THOC7: variants seen among roughly 807,000 people sequenced by gnomAD.
THOC7 encodes the protein NIF3L1-binding protein 1.
THOC7 carries 22 observed loss-of-function variants against 33.1 expected under a neutral mutation model. That is an observed-to-expected ratio of 0.66 (90% CI 0.47 to 0.95). THOC7 has a LOEUF of 0.95. THOC7 is among the 40% of genes least tolerant of loss of function. The pLI, the probability that THOC7 is intolerant of heterozygous loss-of-function variation, is 0.00. For missense variants in THOC7, 184 were observed against 245.3 expected (o/e 0.75, Z 1.67); for synonymous variants, 77 against 76.8 (o/e 1.00, Z -0.01).
intron 5 of THOC7, among the ~76,000 whole-genome samples, chr3:63,835,892 G>A (rs970947615): frequency 6.6e-6 from 1 of 151,646 alleles, no homozygotes; most frequent in African/African-American, 2.4e-5. Flanking sequence ...TTTGAAAGGG[G>A]GTTCTAACTT....
rs1028641495 is a variant in THOC7, at chr3:63,835,410, G to A, written c.411-20C>T. On this transcript the variant is annotated intron_variant, in intron 5 of 7. Coordinates refer to ENST00000295899, the MANE Select transcript of THOC7 (RefSeq NM_025075.4). ...AGTTCCCTGGAAATAATAAAACAGT[G>A]TTACATTTTGCTGAATGGGGGAGAA... The A allele has an allele frequency of 9.3e-6, 15 of 1,610,756 alleles. No homozygotes were observed. Among genetic ancestry groups the A allele is most frequent in the Admixed American group, 1.7e-5 (1 of 59,874 alleles).
At position 63,836,895 on chromosome 3, in the gene THOC7, T is replaced by A. The variant is rs1482091117; in HGVS notation, c.353-537A>T. On this transcript the variant is annotated intron_variant, in intron 4 of 7. Coordinates refer to ENST00000295899, the MANE Select transcript of THOC7 (RefSeq NM_025075.4). ...GTCATGTAACTCCTGTTAAGCTTTCTTATGAAGTGATGAGTGGCAGGATTT... is the reference window on the plus strand; with the variant it reads ...GTCATGTAACTCCTGTTAAGCTTTCATATGAAGTGATGAGTGGCAGGATTT... Among the ~76,000 whole-genome samples the A allele has an allele frequency of 2.6e-5, 4 of 151,962 alleles. No homozygotes were observed. The East Asian group carries it at 7.7e-4, about 29-fold the overall frequency.
chr3:63,861,033 A>G (rs1702200455), intron 1 of THOC7: 1 of 152,250 alleles, frequency 6.6e-6, no homozygotes, highest in Admixed American at 6.5e-5. Flanking sequence ...AAGACAGATT[A>G]GTAAAACAAC....
intron 5 of THOC7, 117 bp from the exon 6 acceptor site, chr3:63,835,507 A>C: frequency 1.2e-6 from 1 of 802,460 alleles, no homozygotes; most frequent in Non-Finnish European, 1.9e-6. Context: ...GCTTATAAGG[A>C]GTTATAACAC....
At chr3:63,847,809 TA>T (rs1450530228) in intron 1 of THOC7, among the ~76,000 whole-genome samples, 1 of 152,190 alleles carries the variant, frequency 6.6e-6, no homozygotes, top group Non-Finnish European at 1.5e-5. Context: ...TCCAAAAGTT[TA>T]ATGAAGAAAC....
At chr3:63,855,308 T>C (rs909638655) in intron 1 of THOC7, among the ~76,000 whole-genome samples, 3 of 152,224 alleles carry the variant, frequency 2.0e-5, no homozygotes, top group Admixed American at 2.0e-4. Flanking sequence ...TTAAAATCAG[T>C]AATGACACAT....
chr3:63,848,263 A>G (rs1701944738), intron 1 of THOC7: 2 of 152,076 alleles, frequency 1.3e-5, no homozygotes, highest in Admixed American at 1.3e-4. Flanking sequence ...TTTACCATCT[A>G]TTCTCTGTGA....
intron 4 of THOC7, 141 bp from the exon 5 acceptor site, chr3:63,836,499 A>AT (rs772877607): frequency 6.7e-6 from 5 of 746,154 alleles, no homozygotes; most frequent in Non-Finnish European, 1.1e-5. Context: ...GAGTATTGCC[A>AT]GTTTTAGTTA....
intron 1 of THOC7, chr3:63,854,792 AGG>A (rs1702080492): frequency 6.6e-6 from 1 of 152,104 alleles, no homozygotes; most frequent in South Asian, 2.1e-4. Flanking sequence ...GCGGATCACG[AGG>A]TCAGGAGATC....
intron 1 of THOC7, among the ~76,000 whole-genome samples, chr3:63,847,204 T>A (rs1379383295): frequency 6.6e-6 from 1 of 152,158 alleles, no homozygotes; most frequent in East Asian, 1.9e-4. Flanking sequence ...ATAAAAAAAG[T>A]TCCTATAAAT....
chr3:63,839,631 G>A (rs768983209), intron 2 of THOC7, 25 bp downstream of exon 2: 1 of 1,586,462 alleles, frequency 6.3e-7, no homozygotes, highest in South Asian at 1.1e-5. Flanking sequence ...ACACTGGTAT[G>A]GAAACAACAG....
chr3:63,852,023 C>G (rs1702028920), intron 1 of THOC7, among the ~76,000 whole-genome samples: 1 of 152,192 alleles, frequency 6.6e-6, no homozygotes, highest in Non-Finnish European at 1.5e-5. Context: ...TGGGTCTCTG[C>G]TCCCTGCATT....
In THOC7 at chr3:63,839,746, A is replaced by G; in HGVS notation, c.47T>C (p.Ile16Thr). 1 of 1,613,304 alleles carries G rather than the reference A, an allele frequency of 6.2e-7. No individual in the cohort carries two copies. Among genetic ancestry groups the G allele is most frequent in the Non-Finnish European group, 8.5e-7 (1 of 1,179,876 alleles). ...ATCATCTCCAGCACCATCTCCATCA[A>G]TGAGGAGACGCTTCCGTATAACTTC... ...DDEVIRKRLL[I>T]DGDGAGDDRR... The change falls in exon 2 of 8, where the codon ATT (isoleucine) becomes ACT (threonine). Residue 16 changes from isoleucine (I) to threonine (T), a missense_variant. Ile to Thr is a moderately conservative substitution (Grantham distance 89). Around this residue, in one of 3 missense-constraint regions of THOC7, gnomAD observed 157 missense variants for 201.3 expected, o/e 0.78. Coordinates refer to ENST00000295899, the MANE Select transcript of THOC7 (RefSeq NM_025075.4).
rs369113322 is a variant in THOC7 at position 63,853,839 on chromosome 3, T to C, written c.19+9933A>G. ...AGGAGAATGGCGTGAACCCGGGAGG[T>C]GGAGCTTGCAGTGAGCCAAGGTCGC... On this transcript the variant is annotated intron_variant, in intron 1 of 7. Coordinates refer to ENST00000295899, the MANE Select transcript of THOC7 (RefSeq NM_025075.4). 6.9e-5 allele frequency among the ~76,000 whole-genome samples: 10 copies of C among 145,208 alleles called. 1 individual carries two copies. In the South Asian group the frequency reaches 2.2e-3, roughly 32 times the overall value.
chr3:63,855,111 G>A (rs1259916177), intron 1 of THOC7, among the ~76,000 whole-genome samples: 2 of 152,036 alleles, frequency 1.3e-5, no homozygotes, highest in African/African-American at 4.8e-5. Flanking sequence ...TATGAGGCAG[G>A]GGCATGAGAT....
At chr3:63,863,232 G>A in intron 1 of THOC7, 1 of 158,786 alleles carries the variant, frequency 6.3e-6, no homozygotes, top group Non-Finnish European at 1.4e-5. Flanking sequence ...ACCCCTCCTG[G>A]TGTCACGCTC....
In THOC7 at chr3:63,838,431, A is replaced by G. The variant is rs1408224659; in HGVS notation, c.206T>C (p.Leu69Pro). 1.9e-6 allele frequency: 3 copies of G among 1,606,036 alleles called. No homozygotes were observed. Among genetic ancestry groups the G allele is most frequent in the African/African-American group, 1.3e-5 (1 of 74,780 alleles). ...QCEFSMGKTLLVYDMNLREME... is the reference protein window; with the variant it reads ...QCEFSMGKTLPVYDMNLREME... ...TTCTCTGAGATTCATATCATATACT[A>G]GTAAAGTTTTGCCCATTGAAAATTC... The change falls in exon 3 of 8, where the codon CTA becomes CCA. Residue 69 changes from leucine (L) to proline (P), a missense_variant. Physicochemically the swap from Leu to Pro is moderately conservative, Grantham distance 98. Transcript: ENST00000295899.
At chr3:63,838,542 C>G in intron 2 of THOC7, 43 bp from the exon 3 acceptor site, 1 of 1,559,958 alleles carries the variant, frequency 6.4e-7, no homozygotes, top group South Asian at 1.2e-5. Flanking sequence ...TATTTGTGGA[C>G]TGACAAAAGT....
Position 63,833,945 on chromosome 3 carries a change from T to A in THOC7, c.*187A>T. 1.9e-6 allele frequency: 1 copy of A among 526,314 alleles called. No individual in the cohort carries two copies. The allele number at this position is 526,314 out of a possible 1,614,324, so 32.6% of individuals were successfully genotyped here. On this transcript the variant is annotated 3_prime_UTR_variant, in exon 8 of 8. Transcript: ENST00000295899. ...CTTAAGAATAAAAAATGCATTTTAA[T>A]AAAAACAAATCTATACTGAAGTCAT...
Sources: allele counts gnomAD v4.1 joint callset (sites outside exome capture counted in the v4.1 genomes callset), GRCh38; gene constraint gnomAD v4.1.1; regional missense constraint gnomAD v4.1.1; transcripts MANE v1.5; gene names NCBI Gene and HGNC (gene_info 2026-07-23, HGNC 2026-07-21).